CLCC1: variants seen among roughly 807,000 people sequenced by gnomAD.
The protein encoded by CLCC1 is chloride channel CLIC like 1, also known as chloride channel CLIC-like protein 1.
A neutral mutation model predicts 63.3 loss-of-function variants in CLCC1; 39 were observed. The observed-to-expected ratio is 0.62, with a 90% CI of 0.48 to 0.81. CLCC1 has a LOEUF of 0.81. Among genes scored for constraint, CLCC1 ranks in the 30% least tolerant of loss-of-function variants. The pLI, the probability that CLCC1 is intolerant of heterozygous loss-of-function variation, is 0.00. For synonymous variants in CLCC1, 217 were observed against 239.8 expected (o/e 0.90, Z 0.88); for missense variants, 549 against 669.4 (o/e 0.82, Z 1.98).
chr1:108,958,668 CAGG>C (rs1259742634), intron 2 of CLCC1, among the ~76,000 whole-genome samples: 1 of 148,402 alleles, frequency 6.7e-6, no homozygotes, highest in Non-Finnish European at 1.5e-5. Context: ...CACTTGAGCC[CAGG>C]AGTTCAAGAC....
intron 4 of CLCC1, among the ~76,000 whole-genome samples, chr1:108,948,198 G>A (rs936490425): frequency 2.6e-5 from 4 of 152,184 alleles, no homozygotes; most frequent in Non-Finnish European, 4.4e-5. Flanking sequence ...TTTCTTCAAT[G>A]TGCATATGAC....
intron 2 of CLCC1, among the ~76,000 whole-genome samples, chr1:108,951,944 T>C (rs1364919429): frequency 1.3e-5 from 2 of 151,486 alleles, no homozygotes; most frequent in Non-Finnish European, 2.9e-5. Context: ...TTTTTTAAAA[T>C]TAATTAACTT....
At position 108,934,872 on chromosome 1, in the gene CLCC1, T is replaced by G. The variant is rs770532831; in HGVS notation, c.1454A>C (p.Glu485Ala). The change falls in exon 12 of 13, where the codon GAA (glutamate) becomes GCA (alanine). Residue 485 changes from glutamate (E) to alanine (A), a missense_variant. Glu to Ala is a moderately radical substitution (Grantham distance 107). Transcript: ENST00000369969. ...GGILGEGTPKESSTESSQSAK... is the reference protein window; with the variant it reads ...GGILGEGTPKASSTESSQSAK... ...CGACTGGCTGCTTTCAGTACTGCTTTCTTTCGGTGTGCCTTCCCCCAGGAT... is the reference window on the plus strand; with the variant it reads ...CGACTGGCTGCTTTCAGTACTGCTTGCTTTCGGTGTGCCTTCCCCCAGGAT... 3.1e-6 allele frequency: 5 copies of G among 1,614,248 alleles called. No homozygotes were observed. The highest frequency in any genetic ancestry group is 1.1e-5 in the South Asian group (1 of 91,082).
intron 7 of CLCC1, among the ~76,000 whole-genome samples, chr1:108,942,952 G>A (rs1192070438): frequency 2.0e-5 from 3 of 151,572 alleles, no homozygotes; most frequent in African/African-American, 4.9e-5. Context: ...ACCTCACTCT[G>A]TGGTCCAGGC....
chr1:108,962,889 C>A (rs1656848552), intron 1 of CLCC1, among the ~76,000 whole-genome samples: 1 of 150,938 alleles, frequency 6.6e-6, no homozygotes, highest in Non-Finnish European at 1.5e-5. Context: ...AAAAAAAATC[C>A]ATTTTGGAGG....
chr1:108,948,739 T>A (rs993022772), intron 4 of CLCC1, among the ~76,000 whole-genome samples: 4 of 152,154 alleles, frequency 2.6e-5, no homozygotes, highest in Admixed American at 2.6e-4. Flanking sequence ...AATAAAAAAA[T>A]TCTGTAAAAA....
At chr1:108,946,243 G>A (rs1161829353) in intron 5 of CLCC1, among the ~76,000 whole-genome samples, 4 of 151,134 alleles carry the variant, frequency 2.6e-5, no homozygotes, top group African/African-American at 7.3e-5. Context: ...CTGGGAGGCG[G>A]AGCTTGCAGT....
At position 108,931,149 on chromosome 1, in the gene CLCC1, T is replaced by TAA. The variant is rs1351883728; in HGVS notation, c.*1396_*1397dup. 8.1e-6 allele frequency: 5 copies of TAA among 616,530 alleles called. No individual in the cohort carries two copies. Among genetic ancestry groups the TAA allele is most frequent in the East Asian group, 3.2e-5 (1 of 30,806 alleles). 38.2% of individuals were successfully genotyped at this position (616,530 alleles called of 1,614,324 possible). A position where few individuals can be genotyped will look rare whatever the true frequency, so the allele number is the denominator to read the frequency against. ...AATACTGCTGTAAAACAAACTTTTC[T>TAA]AAGTTCTAATATAAAAACAAAAAAC... On this transcript the variant is annotated 3_prime_UTR_variant, in exon 13 of 13. Transcript: ENST00000369969.
At chr1:108,934,316 T>C (rs12135504) in intron 12 of CLCC1, 12,495 of 213,898 alleles carry the variant, frequency 0.058, 547 homozygotes, top group African/African-American at 0.14. Context: ...GGTTAGTGGG[T>C]TCCCGTAAGT....
Position 108,934,711 on chromosome 1 carries a change from C to T in CLCC1, c.1615G>A (p.Gly539Arg). Residue 539 changes from glycine to arginine, a missense_variant, in exon 12 of 13, where the codon GGA (glycine) becomes AGA (arginine). Gly to Arg is a moderately radical substitution (Grantham distance 125, BLOSUM62 -2). Transcript: ENST00000369969. ...STYSPARGVA[G>R]PRGQDPVSSP... Reference sequence around the variant, plus strand: ...CTGACCGGATCCTGTCCACGTGGTCCAGCCACACCTCTTGCGGGGCTGTAT... The same window carrying T: ...CTGACCGGATCCTGTCCACGTGGTCTAGCCACACCTCTTGCGGGGCTGTAT... The T allele has an allele frequency of 1.9e-6, 3 of 1,613,988 alleles. No homozygotes were observed. Among genetic ancestry groups the T allele is most frequent in the Non-Finnish European group, 1.7e-6 (2 of 1,180,042 alleles).
At chr1:108,944,924 C>T (rs1305090241) in intron 5 of CLCC1, among the ~76,000 whole-genome samples, 2 of 152,296 alleles carry the variant, frequency 1.3e-5, no homozygotes, top group South Asian at 4.1e-4. Context: ...CCACTGCACC[C>T]GGCCTCACAG....
Position 108,943,614 on chromosome 1 carries a change from A to C in CLCC1, c.563T>G (p.Val188Gly). 1 of 1,573,662 alleles carries C rather than the reference A, an allele frequency of 6.4e-7. No individual in the cohort carries two copies. The highest frequency in any genetic ancestry group is 8.6e-7 in the Non-Finnish European group (1 of 1,165,124). The change falls in exon 7 of 13, where the codon GTA (valine) becomes GGA (glycine). Residue 188 changes from valine to glycine, a missense_variant and splice_region_variant. Coordinates refer to ENST00000369969, the MANE Select transcript of CLCC1 (RefSeq NM_001377458.1). ...CACGATGCAGAGCAGACAAAGAAGT[A>C]CCTTAAAACAGAGAGAAGCAGAAAT... is the stretch of plus-strand genomic sequence containing the variant. ...FGVDPYNVLM[V>G]LLCLLCIVVL... is the part of the protein sequence containing the mutation.
In CLCC1 at chr1:108,953,870, T is replaced by C. The variant is rs1158044348; in HGVS notation, c.-11-3422A>G. Among the ~76,000 whole-genome samples the C allele has an allele frequency of 7.4e-3, 1,097 of 148,350 alleles. 14 individuals are homozygous for C. The highest frequency in any genetic ancestry group is 0.028 in the African/African-American group (1,053 of 38,240). ...TACTAAAAATACAAAATTAGCTGGGTATGGTGGTGCATGCCTGTAATCCCA... is the reference window on the plus strand; with the variant it reads ...TACTAAAAATACAAAATTAGCTGGGCATGGTGGTGCATGCCTGTAATCCCA... On this transcript the variant is annotated intron_variant, in intron 2 of 12. Transcript: ENST00000369969.
chr1:108,955,163 A>C (rs1032607599), intron 2 of CLCC1, among the ~76,000 whole-genome samples: 2 of 151,210 alleles, frequency 1.3e-5, no homozygotes, highest in African/African-American at 4.9e-5. Context: ...AGTTACAGGG[A>C]TACCAGGAGT....
chr1:108,937,024 G>A, intron 11 of CLCC1, 53 bp downstream of exon 11: 2 of 1,274,690 alleles, frequency 1.6e-6, no homozygotes, highest in Non-Finnish European at 2.1e-6. Context: ...TCTTCCAGAA[G>A]GATTTAGAAC....
At chr1:108,943,409 G>C (rs1457764738) in intron 7 of CLCC1, 66 bp downstream of exon 7, 1 of 1,527,132 alleles carries the variant, frequency 6.5e-7, no homozygotes, top group East Asian at 2.3e-5. Flanking sequence ...GCTCTCAATG[G>C]ATTAGAGTCT....
chr1:108,946,193 C>T (rs1408381438), intron 5 of CLCC1, among the ~76,000 whole-genome samples: 1 of 151,898 alleles, frequency 6.6e-6, no homozygotes, highest in Admixed American at 6.6e-5. Context: ...GCCTGTAGTC[C>T]CAGCTACTCA....
chr1:108,934,417 T>C, intron 12 of CLCC1: 1 of 467,930 alleles, frequency 2.1e-6, no homozygotes, highest in Non-Finnish European at 3.8e-6. Context: ...CATCTGTTCA[T>C]CTTAAAATAA....
intron 5 of CLCC1, among the ~76,000 whole-genome samples, chr1:108,946,778 T>C (rs1654593924): frequency 6.6e-6 from 1 of 152,250 alleles, no homozygotes; most frequent in African/African-American, 2.4e-5. Flanking sequence ...GTTTTCTTGA[T>C]GTTTTCACTT....
Sources: allele counts gnomAD v4.1 joint callset (sites outside exome capture counted in the v4.1 genomes callset), GRCh38; gene constraint gnomAD v4.1.1; transcripts MANE v1.5; gene names NCBI Gene and HGNC (gene_info 2026-07-23, HGNC 2026-07-21).